Variants in WRNIP1 observed in about 807,000 individuals in gnomAD.
WRNIP1 encodes the protein ATPase WRNIP1.
In WRNIP1, 41 loss-of-function variants were observed where a neutral mutation model predicts 56.1. The ratio of observed to expected loss-of-function variants is 0.73; its 90% confidence interval spans 0.57 to 0.95. The LOEUF (loss-of-function observed/expected upper bound fraction) is 0.95. WRNIP1 is among the 40% of genes least tolerant of loss of function. The pLI is 0.00. For missense variants in WRNIP1, 1,170 were observed against 939.4 expected (o/e 1.25, Z -3.21); for synonymous variants, 547 against 398.1 (o/e 1.37, Z -4.45).
chr6:2,783,017 C>T (rs1412908746), intron 4 of WRNIP1, among the ~76,000 whole-genome samples: 3 of 152,230 alleles, frequency 2.0e-5, no homozygotes, highest in African/African-American at 7.2e-5. Flanking sequence ...TCCGAGCAGG[C>T]CCACCGTTGC....
In WRNIP1 at chr6:2,768,825, C is replaced by T. The variant is rs138318400; in HGVS notation, c.957C>T (p.Phe319=). 1 of 1,613,648 alleles carries T rather than the reference C, an allele frequency of 6.2e-7. No individual in the cohort carries two copies. Among genetic ancestry groups the T allele is most frequent in the African/African-American group, 1.3e-5 (1 of 75,032 alleles). Residue 319 remains phenylalanine, a synonymous_variant, in exon 2 of 7, where the codon TTC becomes TTT. Transcript: ENST00000380773. ...IKQAQNEKSF[F]KRKTILFIDE... is the part of the protein sequence containing the mutation. ...AAGCTCAAAATGAAAAGAGCTTTTT[C>T]AAAAGGAAAACCATCCTTTTTATTG... is the stretch of plus-strand genomic sequence containing the variant.
chr6:2,776,911 A>G (rs1315858607), intron 3 of WRNIP1, among the ~76,000 whole-genome samples: 2 of 152,240 alleles, frequency 1.3e-5, no homozygotes, highest in Non-Finnish European at 2.9e-5. Flanking sequence ...TATTTTTAAA[A>G]TTTAATGTAA....
In WRNIP1 at chr6:2,770,376, TGCA is replaced by T. The variant is rs752702896; in HGVS notation, c.1256+18_1256+20del. The T allele has an allele frequency of 1.4e-5, 23 of 1,613,554 alleles. No homozygotes were observed. The highest frequency in any genetic ancestry group is 1.4e-5 in the Non-Finnish European group (17 of 1,179,852). Reference sequence around the variant, plus strand: ...AGCAGCTCAGAGTAAGTTGACAGTGTGCAGCGTCCTGGGGGCACACACCTCCCA... The same window carrying T: ...AGCAGCTCAGAGTAAGTTGACAGTGTGCGTCCTGGGGGCACACACCTCCCA... On this transcript the variant is annotated intron_variant, in intron 3 of 6. Coordinates refer to ENST00000380773, the MANE Select transcript of WRNIP1 (RefSeq NM_020135.3).
At chr6:2,784,503 A>T (rs545347513) in intron 6 of WRNIP1, 100 bp downstream of exon 6, 14 of 1,239,576 alleles carry the variant, frequency 1.1e-5, no homozygotes, top group Non-Finnish European at 1.6e-5. Flanking sequence ...CCATTGGTGT[A>T]TTGGACCCAC....
At chr6:2,783,148 G>C (rs559738951) in intron 4 of WRNIP1, among the ~76,000 whole-genome samples, 5 of 152,300 alleles carry the variant, frequency 3.3e-5, no homozygotes, top group Admixed American at 2.0e-4. Flanking sequence ...TCCTGCCTCT[G>C]TGCGTGTGCG....
rs765215300 is a variant in WRNIP1, at chr6:2,783,490, G to A, written c.1571G>A (p.Arg524His). The A allele has an allele frequency of 1.9e-5, 30 of 1,613,676 alleles. No individual in the cohort carries two copies. The highest frequency in any genetic ancestry group is 1.6e-4 in the Middle Eastern group (1 of 6,080). ...DQNASLYWLA[R>H]MLEGGEDPLY... ...AACGCCTCCCTCTACTGGCTGGCTC[G>A]CATGCTCGAGGGAGGAGAGGACCCA... is the stretch of plus-strand genomic sequence containing the variant. Residue 524 changes from arginine (R) to histidine (H), a missense_variant, in exon 5 of 7, where the codon CGC becomes CAC. Transcript: ENST00000380773.
intron 3 of WRNIP1, among the ~76,000 whole-genome samples, chr6:2,775,724 C>T (rs1225593691): frequency 6.6e-6 from 1 of 152,138 alleles, no homozygotes; most frequent in African/African-American, 2.4e-5. Flanking sequence ...AAATTAAAGC[C>T]CTTCTCATCA....
Position 2,785,270 on chromosome 6 carries a change from G to C in WRNIP1, c.1986G>C (p.Gln662His), listed in dbSNP as rs370863201. Residue 662 changes from glutamine (Q) to histidine (H), a missense_variant, in exon 7 of 7, where the codon CAG becomes CAC. Coordinates refer to ENST00000380773, the MANE Select transcript of WRNIP1 (RefSeq NM_020135.3). The part of the protein sequence containing the change: ...EELRGVDFFK[Q>H]RRC ...TGAGGGGGGTAGATTTCTTCAAGCA[G>C]AGGAGGTGCTGACTCCTCAGGGCAC... The C allele has an allele frequency of 6.2e-7, 1 of 1,613,682 alleles. No homozygotes were observed. The highest frequency in any genetic ancestry group is 8.5e-7 in the Non-Finnish European group (1 of 1,179,738).
At chr6:2,778,046 C>A (rs1057340003) in intron 3 of WRNIP1, among the ~76,000 whole-genome samples, 2 of 152,166 alleles carry the variant, frequency 1.3e-5, no homozygotes, top group African/African-American at 4.8e-5. Flanking sequence ...GGGAACAAAT[C>A]CTTCCGTGAA....
At chr6:2,767,079 T>G (rs1479607675) in intron 1 of WRNIP1, among the ~76,000 whole-genome samples, 1 of 152,242 alleles carries the variant, frequency 6.6e-6, no homozygotes, top group African/African-American at 2.4e-5. Flanking sequence ...TTCCGTAACT[T>G]TTCTCATAAT....
intron 3 of WRNIP1, among the ~76,000 whole-genome samples, chr6:2,776,727 G>A (rs1765441989): frequency 6.6e-6 from 1 of 152,220 alleles, no homozygotes; most frequent in Non-Finnish European, 1.5e-5. Context: ...TAATGGAAAT[G>A]AGGCAGTTTA....
At chr6:2,766,916 T>A (rs1288098915) in intron 1 of WRNIP1, among the ~76,000 whole-genome samples, 1 of 152,260 alleles carries the variant, frequency 6.6e-6, no homozygotes, top group Non-Finnish European at 1.5e-5. Context: ...TTTCCACTAG[T>A]TGTTGGTTTA....
Position 2,765,650 on chromosome 6 carries a change from C to A in WRNIP1, c.28C>A (p.Pro10Thr). The change falls in exon 1 of 7, where the codon CCC (proline) becomes ACC (threonine). Residue 10 changes from proline to threonine, a missense_variant. Transcript: ENST00000380773. ...GGAGGTGAGCGGGCCGGAAGACGAC[C>A]CCTTCCTTTCGCAGCTGCACCAGGT... MEVSGPEDD[P>T]FLSQLHQVQC... 1 of 1,546,070 alleles carries A rather than the reference C, an allele frequency of 6.5e-7. No individual in the cohort carries two copies. Among genetic ancestry groups the A allele is most frequent in the South Asian group, 1.1e-5 (1 of 87,380 alleles).
intron 5 of WRNIP1, 23 bp downstream of exon 5, chr6:2,783,584 G>A (rs376687633): frequency 4.8e-5 from 71 of 1,487,708 alleles, no homozygotes; most frequent in African/African-American, 5.9e-5. Flanking sequence ...GGAGGGTCCC[G>A]GAGTCCTATG....
intron 5 of WRNIP1, 151 bp from the exon 6 acceptor site, chr6:2,784,173 A>G (rs1208013022): frequency 1.3e-5 from 8 of 613,218 alleles, no homozygotes; most frequent in Non-Finnish European, 2.3e-5. Flanking sequence ...TCATGGGATC[A>G]GAGACTAGAG....
intron 3 of WRNIP1, among the ~76,000 whole-genome samples, chr6:2,778,261 T>C (rs1765477429): frequency 6.6e-6 from 1 of 152,214 alleles, no homozygotes; most frequent in Admixed American, 6.5e-5. Context: ...GCTTATTATT[T>C]ACTGTAGATG....
chr6:2,773,732 C>T, intron 3 of WRNIP1: 4 of 985,082 alleles, frequency 4.1e-6, no homozygotes, highest in Non-Finnish European at 3.6e-6. Context: ...ATATAGATTC[C>T]TAGGTCATAG....
chr6:2,771,374 C>T (rs999646692), intron 3 of WRNIP1, among the ~76,000 whole-genome samples: 1 of 152,196 alleles, frequency 6.6e-6, no homozygotes, highest in African/African-American at 2.4e-5. Flanking sequence ...CTGGGTAGGA[C>T]AGAGTGGCCT....
chr6:2,783,366 C>T (rs944493081), intron 4 of WRNIP1, 40 bp from the exon 5 acceptor site: 2 of 1,509,428 alleles, frequency 1.3e-6, no homozygotes, highest in South Asian at 1.3e-5. Context: ...GGGCGCCCCT[C>T]CTGTGAGCTC....
Sources: gnomAD v4.1 joint callset for allele counts (sites outside exome capture counted in the v4.1 genomes callset) on GRCh38, gnomAD v4.1.1 for gene constraint, MANE v1.5 for transcripts, NCBI Gene and HGNC (gene_info 2026-07-23, HGNC 2026-07-21) for gene names.